LRRC74A: variants seen among roughly 807,000 people sequenced by gnomAD.
LRRC74A encodes leucine-rich repeat-containing protein 74A.
In LRRC74A, 44 loss-of-function variants were observed where a neutral mutation model predicts 57.9. The ratio of observed to expected loss-of-function variants is 0.76; its 90% confidence interval spans 0.60 to 0.98. LRRC74A has a LOEUF of 0.98. Among genes scored for constraint, LRRC74A ranks in the 50% least tolerant of loss-of-function variants. LRRC74A has a pLI of 0.00. For synonymous variants in LRRC74A, 211 were observed against 219.4 expected, an observed-to-expected ratio of 0.96 and a Z score of 0.34; for missense variants, 572 against 574.0, an observed-to-expected ratio of 1.00 and a Z score of 0.04.
At chr14:76,832,548 T>A (rs548926691) in intron 3 of LRRC74A, among the ~76,000 whole-genome samples, 1 of 152,316 alleles carries the variant, frequency 6.6e-6, no homozygotes, top group Non-Finnish European at 1.5e-5. Flanking sequence ...GCTCAGGTGA[T>A]CCACCCACCT....
Position 76,853,298 on chromosome 14 carries a change from G to T in LRRC74A, c.845G>T (p.Arg282Leu). The T allele has an allele frequency of 1.9e-6, 3 of 1,613,418 alleles. No homozygotes were observed. The highest frequency in any genetic ancestry group is 2.5e-6 in the Non-Finnish European group (3 of 1,179,560). The change falls in exon 9 of 14, where the codon CGA (arginine) becomes CTA (leucine). Residue 282 changes from arginine to leucine, a missense_variant. Coordinates refer to ENST00000689127, the MANE Select transcript of LRRC74A (RefSeq NM_001385106.1). The part of the protein sequence containing the change: ...EVALALGEVL[R>L]LNRCLVYLDI... ...GCTCTGGCCCTAGGGGAAGTCCTCC[G>T]ACTCAACCGCTGCCTGGTCTACCTG...
At chr14:76,826,825 T>C in intron 1 of LRRC74A, 91 bp downstream of exon 1, 1 of 830,340 alleles carries the variant, frequency 1.2e-6, no homozygotes, top group South Asian at 1.4e-5. Context: ...AGCCCACTTC[T>C]TTCCTCACCT....
chr14:76,831,295 A>G lies in LRRC74A; in HGVS notation c.259A>G (p.Asn87Asp), dbSNP rs751463009. ...AGTGCCTGTCTCCTACTTCATTCGG[A>G]ACATGGAGGAGTCCTACGTGAACCT... is the stretch of plus-strand genomic sequence containing the variant. Reference protein sequence around the residue: ...GVVPVSYFIRNMEESYVNLNH... With the variant: ...GVVPVSYFIRDMEESYVNLNH... Residue 87 changes from asparagine (N) to aspartate (D), a missense_variant, in exon 3 of 14, where the codon AAC becomes GAC. Coordinates refer to ENST00000689127, the MANE Select transcript of LRRC74A (RefSeq NM_001385106.1). The G allele has an allele frequency of 4.3e-6, 7 of 1,613,836 alleles. No individual in the cohort carries two copies. The highest frequency in any genetic ancestry group is 1.6e-4 in the Middle Eastern group (1 of 6,080).
chr14:76,827,990 A>G (rs1217776328), intron 1 of LRRC74A, among the ~76,000 whole-genome samples: 1 of 152,200 alleles, frequency 6.6e-6, no homozygotes, highest in African/African-American at 2.4e-5. Context: ...TAAGAATGGG[A>G]AAGTGTGAGC....
At chr14:76,844,072 C>T (rs555896381) in intron 5 of LRRC74A, among the ~76,000 whole-genome samples, 13 of 152,312 alleles carry the variant, frequency 8.5e-5, no homozygotes, top group African/African-American at 3.1e-4. Context: ...CAACATGGCA[C>T]ACTGCAGCCT....
Position 76,844,405 on chromosome 14 carries a change from A to G in LRRC74A, c.545-18A>G, listed in dbSNP as rs1164052958. On this transcript the variant is annotated intron_variant, in intron 5 of 13. Transcript: ENST00000689127. Reference sequence around the variant, plus strand: ...CATGGTCTAGCAGTGCATCACTGACACACCACCCTCACTACAGGAAATGAC... The same window carrying G: ...CATGGTCTAGCAGTGCATCACTGACGCACCACCCTCACTACAGGAAATGAC... 2 of 1,611,232 alleles carry G rather than the reference A, an allele frequency of 1.2e-6. No homozygotes were observed. The highest frequency in any genetic ancestry group is 2.2e-5 in the East Asian group (1 of 44,798).
At chr14:76,833,698 C>A (rs1896127247) in intron 3 of LRRC74A, among the ~76,000 whole-genome samples, 1 of 152,092 alleles carries the variant, frequency 6.6e-6, no homozygotes, top group South Asian at 2.1e-4. Flanking sequence ...CCGCCTTGGC[C>A]TCTCAAAGTG....
rs75720627 is a variant in LRRC74A, at chr14:76,828,563, C to G, written c.166+144C>G. On this transcript the variant is annotated intron_variant, in intron 2 of 13. Coordinates refer to ENST00000689127, the MANE Select transcript of LRRC74A (RefSeq NM_001385106.1). ...AGGAAATGTGGCAGAAAGGCCTGCT[C>G]GATTTTGCCTGGAGTCCTCCTCCGG... 9,895 of 1,292,158 alleles carry G rather than the reference C, an allele frequency of 7.7e-3. 59 individuals are homozygous for G. Among genetic ancestry groups the G allele is most frequent in the Non-Finnish European group, 9.6e-3 (8,690 of 908,128 alleles). The allele number at this position is 1,292,158 out of a possible 1,614,324, so 80.0% of individuals were successfully genotyped here.
At position 76,852,371 on chromosome 14, in the gene LRRC74A, A is replaced by C; in HGVS notation, c.683A>C (p.Asn228Thr). Residue 228 changes from asparagine (N) to threonine (T), a missense_variant, in exon 8 of 14, where the codon AAC becomes ACC. By Grantham distance (65) the Asn-to-Thr change is moderately conservative (BLOSUM62 0). Transcript: ENST00000689127. ...GATTCCCTCCCTGTTTCAGCCATCA[A>C]CGTGGGGCTCACGTCACTGGATCTG... ...GEHLGQMLAI[N>T]VGLTSLDLSW... The C allele has an allele frequency of 1.2e-6, 2 of 1,610,144 alleles. No individual in the cohort carries two copies. The highest frequency in any genetic ancestry group is 1.7e-6 in the Non-Finnish European group (2 of 1,177,292).
chr14:76,832,844 G>C (rs958604014), intron 3 of LRRC74A, among the ~76,000 whole-genome samples: 1 of 152,136 alleles, frequency 6.6e-6, no homozygotes, highest in African/African-American at 2.4e-5. Context: ...CAGTGAAAAG[G>C]AACTATGATC....
intron 3 of LRRC74A, among the ~76,000 whole-genome samples, chr14:76,834,881 C>T (rs1896211962): frequency 6.6e-6 from 1 of 152,212 alleles, no homozygotes. Context: ...TTGCTCAGCC[C>T]AGAGAGCTGA....
At chr14:76,864,472 A>AT (rs1431089646) in intron 11 of LRRC74A, among the ~76,000 whole-genome samples, 7 of 151,782 alleles carry the variant, frequency 4.6e-5, no homozygotes, top group Non-Finnish European at 1.0e-4. Flanking sequence ...AAAGTACTTA[A>AT]AAAGGACCCA....
intron 2 of LRRC74A, among the ~76,000 whole-genome samples, chr14:76,829,510 C>G (rs1450458698): frequency 6.6e-6 from 1 of 152,212 alleles, no homozygotes; most frequent in Admixed American, 6.5e-5. Flanking sequence ...AAGGACAACA[C>G]TGGATGTTTG....
At chr14:76,836,080 C>T in intron 3 of LRRC74A, 127 bp from the exon 4 acceptor site, 4 of 686,390 alleles carry the variant, frequency 5.8e-6, no homozygotes, top group East Asian at 2.7e-5. Flanking sequence ...CTCGCCCTTG[C>T]CAGGCCTTCA....
intron 7 of LRRC74A, among the ~76,000 whole-genome samples, chr14:76,846,815 T>A (rs1897142365): frequency 8.9e-6 from 1 of 111,754 alleles, no homozygotes; most frequent in Non-Finnish European, 1.9e-5. Flanking sequence ...GGCCACGTGA[T>A]GTTTGCAATG....
chr14:76,828,450 C>T (rs558611602), intron 2 of LRRC74A, 31 bp downstream of exon 2: 14 of 1,613,372 alleles, frequency 8.7e-6, no homozygotes, highest in Admixed American at 1.7e-5. Context: ...GCAGTCAGGG[C>T]AGCTTCTCCT....
intron 5 of LRRC74A, among the ~76,000 whole-genome samples, chr14:76,840,819 G>A (rs35804542): frequency 0.086 from 13,064 of 151,954 alleles, 640 homozygotes; most frequent in Non-Finnish European, 0.094. Flanking sequence ...TCCTGACCTC[G>A]TGATCCGCCT....
chr14:76,826,952 T>G lies in LRRC74A; in HGVS notation c.37+218T>G, dbSNP rs536748086. Among the ~76,000 whole-genome samples, 5 of 152,334 alleles carry G rather than the reference T, an allele frequency of 3.3e-5. No individual in the cohort carries two copies. The East Asian group carries it at 9.6e-4, about 29-fold the overall frequency. On this transcript the variant is annotated intron_variant, in intron 1 of 13. Transcript: ENST00000689127. ...TACCTCATACTGGCTCTAGCCAGCT[T>G]TAATTTTTATTGTGTGGGCCAGTTG...
At chr14:76,838,152 A>G (rs906965409) in intron 5 of LRRC74A, among the ~76,000 whole-genome samples, 181 bp downstream of exon 5, 3 of 152,162 alleles carry the variant, frequency 2.0e-5, no homozygotes, top group Non-Finnish European at 4.4e-5. Flanking sequence ...GCCATTTATC[A>G]TCCATATCTG....
Sources: gnomAD v4.1 joint callset for allele counts (sites outside exome capture counted in the v4.1 genomes callset) on GRCh38, gnomAD v4.1.1 for gene constraint, MANE v1.5 for transcripts, NCBI Gene and HGNC (gene_info 2026-07-23, HGNC 2026-07-21) for gene names.